MTA1: variants seen among roughly 807,000 people sequenced by gnomAD.
MTA1 encodes metastasis associated 1.
In MTA1, 15 loss-of-function variants were observed where a neutral mutation model predicts 97.0. That is an observed-to-expected ratio of 0.15 (90% confidence interval 0.10 to 0.24). MTA1 has a LOEUF of 0.24. Among genes scored for constraint, MTA1 ranks in the 10% least tolerant of loss-of-function variants. MTA1 has a pLI of 1.00. For synonymous variants in MTA1, 435 were observed against 417.5 expected (o/e 1.04, Z -0.51); for missense variants, 709 against 1,015.1 (o/e 0.70, Z 4.10).
At chr14:105,437,384 C>T (rs1016813208) in intron 1 of MTA1, among the ~76,000 whole-genome samples, 18 of 151,592 alleles carry the variant, frequency 1.2e-4, no homozygotes, top group African/African-American at 4.4e-4. Flanking sequence ...GGTGTGTCCT[C>T]ATGGGAGTGT....
intron 3 of MTA1, among the ~76,000 whole-genome samples, chr14:105,448,469 G>A (rs2082795327): frequency 6.6e-6 from 1 of 152,278 alleles, no homozygotes; most frequent in South Asian, 2.1e-4. Flanking sequence ...TAGGGCGGGC[G>A]TGAACAAAAG....
Position 105,462,116 on chromosome 14 carries a change from T to TCGGGGGGCTGCGGCTG in MTA1, c.943-1062_943-1047dup, listed in dbSNP as rs2083377168. On this transcript the variant is annotated intron_variant, in intron 10 of 20. Transcript: ENST00000331320. ...TGCGGGGCCATGCCCAGGCACGGTC[T>TCGGGGGGCTGCGGCTG]CGGGGGGCTGCGGCTGCGGGGCCCT... 3.3e-5 allele frequency among the ~76,000 whole-genome samples: 5 copies of TCGGGGGGCTGCGGCTG among 152,348 alleles called. No individual in the cohort carries two copies. The South Asian group carries it at 1.0e-3, about 32-fold the overall frequency.
At chr14:105,428,010 T>G in intron 1 of MTA1, among the ~76,000 whole-genome samples, 1 of 66,640 alleles carries the variant, frequency 1.5e-5, no homozygotes, top group African/African-American at 6.1e-5. Flanking sequence ...AGAGTGAGAC[T>G]CTCTCAAAAA....
intron 20 of MTA1, 23 bp from the exon 21 acceptor site, chr14:105,470,042 C>T: frequency 6.2e-7 from 1 of 1,612,590 alleles, no homozygotes; most frequent in Non-Finnish European, 8.5e-7. Flanking sequence ...CGTCCCGGCC[C>T]TCACCACCAC....
intron 1 of MTA1, among the ~76,000 whole-genome samples, chr14:105,429,576 C>T (rs1418840410): frequency 2.0e-5 from 3 of 151,808 alleles, no homozygotes; most frequent in East Asian, 1.9e-4. Flanking sequence ...CTCAGCCTCC[C>T]GAGTAGCTGG....
At chr14:105,447,242 G>A (rs2082747839) in intron 3 of MTA1, among the ~76,000 whole-genome samples, 1 of 152,188 alleles carries the variant, frequency 6.6e-6, no homozygotes, top group South Asian at 2.1e-4. Context: ...GAGAAGCAGT[G>A]CCCAGGCTGA....
Position 105,468,327 on chromosome 14 carries a change from C to T in MTA1, c.1814-1140C>T, listed in dbSNP as rs1257738141. 12 of 1,304,224 alleles carry T rather than the reference C, an allele frequency of 9.2e-6. No individual in the cohort carries two copies. The African/African-American group carries it at 1.1e-4, about 12-fold the overall frequency. The allele number at this position is 1,304,224 out of a possible 1,614,324, so 80.8% of individuals were successfully genotyped here. ...TGTGTTTCTTCCCTCTGCTGTCCAC[C>T]GCTCTGGTAGGCACTTACCTGGGTA... On this transcript the variant is annotated intron_variant, in intron 18 of 20. Transcript: ENST00000331320.
rs782423090 is a variant in MTA1, at chr14:105,466,693, C to T, written c.1778-14C>T. The stretch of plus-strand genomic sequence containing the variant: ...GCTGTCTTCTCTCCCTCTCTCCCAC[C>T]CCGGCGCTGCCAGGCAACATGAAGA... On this transcript the variant is annotated splice_polypyrimidine_tract_variant and intron_variant, in intron 17 of 20. Transcript: ENST00000331320. The T allele has an allele frequency of 1.9e-6, 3 of 1,604,926 alleles. No individual in the cohort carries two copies. The East Asian group carries it at 6.7e-5, about 36-fold the overall frequency.
chr14:105,466,180 C>T, intron 16 of MTA1: 1 of 564,342 alleles, frequency 1.8e-6, no homozygotes, highest in South Asian at 2.1e-5. Flanking sequence ...CAGGTGGTCT[C>T]CCTGCTCTCT....
chr14:105,449,421 C>T lies in MTA1; in HGVS notation c.241+12C>T, dbSNP rs1388236106. 1.2e-6 allele frequency: 2 copies of T among 1,610,268 alleles called. No individual in the cohort carries two copies. Among genetic ancestry groups the T allele is most frequent in the Non-Finnish European group, 8.5e-7 (1 of 1,178,820 alleles). On this transcript the variant is annotated intron_variant, in intron 4 of 20. Coordinates refer to ENST00000331320, the MANE Select transcript of MTA1 (RefSeq NM_004689.4). ...CAACGGCGAGGAAGGTAAGAGCCGG[C>T]CTCCGCAAGGAGGGCGTCCTCCTGT...
Position 105,466,722 on chromosome 14 carries a change from G to A in MTA1, c.1793G>A (p.Arg598His), listed in dbSNP as rs782717840. Residue 598 changes from arginine (R) to histidine (H), a missense_variant, in exon 18 of 21, where the codon CGC becomes CAC. Arg to His is a conservative substitution (Grantham distance 29). Coordinates refer to ENST00000331320, the MANE Select transcript of MTA1 (RefSeq NM_004689.4). ...GCGCTGCCAGGCAACATGAAGAAGC[G>A]CCTCTTGATGCCCAGTAGGGGTAAG... Reference protein sequence around the residue: ...HNGVDGNMKKRLLMPSRGLAN... With the variant: ...HNGVDGNMKKHLLMPSRGLAN... 8 of 1,597,450 alleles carry A rather than the reference G, an allele frequency of 5.0e-6. No homozygotes were observed. The highest frequency in any genetic ancestry group is 6.0e-6 in the Non-Finnish European group (7 of 1,173,712).
At chr14:105,439,612 C>T (rs1394104548) in intron 2 of MTA1, among the ~76,000 whole-genome samples, 1 of 152,174 alleles carries the variant, frequency 6.6e-6, no homozygotes, top group Non-Finnish European at 1.5e-5. Context: ...TGGAGACTTT[C>T]TAAGGGTGTT....
At chr14:105,458,914 A>G (rs781793638) in intron 8 of MTA1, among the ~76,000 whole-genome samples, 1 of 152,204 alleles carries the variant, frequency 6.6e-6, no homozygotes, top group Non-Finnish European at 1.5e-5. Flanking sequence ...CCTGGGGCCC[A>G]GGACACGAGG....
intron 15 of MTA1, 22 bp downstream of exon 15, chr14:105,464,885 C>A: frequency 6.5e-7 from 1 of 1,543,228 alleles, no homozygotes. Flanking sequence ...CAACGCCCCG[C>A]TTACTCTGTT....
chr14:105,439,677 G>A (rs1555425228), intron 2 of MTA1, among the ~76,000 whole-genome samples: 1 of 152,126 alleles, frequency 6.6e-6, no homozygotes, highest in Non-Finnish European at 1.5e-5. Flanking sequence ...AGAGAGTGGG[G>A]TGGGGTGCTG....
chr14:105,437,451 G>C (rs1488973353), intron 1 of MTA1, among the ~76,000 whole-genome samples: 2 of 151,508 alleles, frequency 1.3e-5, no homozygotes, highest in Middle Eastern at 3.5e-3. Flanking sequence ...ACGGGCATGA[G>C]CCTGCAGGTG....
At chr14:105,430,961 A>G (rs587694480) in intron 1 of MTA1, among the ~76,000 whole-genome samples, 25 of 152,306 alleles carry the variant, frequency 1.6e-4, no homozygotes, top group African/African-American at 5.8e-4. Context: ...AATATTTGTG[A>G]TAGGGACAGG....
rs1393348454 is a variant in MTA1, at chr14:105,424,205, GT to G, written c.28+4149del. ...AGCACTCCTGGCTTGCTCCACCTTT[GT>G]TTTTTTGAGACGGAGTCTCGCTCTG... On this transcript the variant is annotated intron_variant, in intron 1 of 20. Transcript: ENST00000331320. This position sits in a 1 kb window ranked among gnomAD's most constrained non-coding sequence, Gnocchi z 4.0. Among the ~76,000 whole-genome samples, 4 of 152,246 alleles carry G rather than the reference GT, an allele frequency of 2.6e-5. No individual in the cohort carries two copies. The highest frequency in any genetic ancestry group is 6.5e-5 in the Admixed American group (1 of 15,282).
chr14:105,463,118 C>A lies in MTA1; in HGVS notation c.943-66C>A. ...GTGGCCTTCTGGCCGCAGCCCTGCC[C>A]CTGCCTGCATGGTGTGCCTGCCTCC... On this transcript the variant is annotated intron_variant, in intron 10 of 20. Transcript: ENST00000331320. This position sits in a 1 kb window ranked among gnomAD's most constrained non-coding sequence, Gnocchi z 5.9. 6.6e-7 allele frequency: 1 copy of A among 1,516,104 alleles called. No homozygotes were observed. The highest frequency in any genetic ancestry group is 9.1e-7 in the Non-Finnish European group (1 of 1,100,614). The allele number at this position is 1,516,104 out of a possible 1,614,324, so 93.9% of individuals were successfully genotyped here.
Sources: gnomAD v4.1 joint callset for allele counts (sites outside exome capture counted in the v4.1 genomes callset) on GRCh38, gnomAD v4.1.1 for gene constraint, Gnocchi (gnomAD v3.1) non-coding constraint, MANE v1.5 for transcripts, NCBI Gene and HGNC (gene_info 2026-07-23, HGNC 2026-07-21) for gene names.